FAT2: variants seen among roughly 807,000 people sequenced by gnomAD.
FAT2 encodes the protein protocadherin Fat 2.
Under a neutral mutation model 295.3 loss-of-function variants are expected in FAT2, and 150 were observed. The observed-to-expected ratio is 0.51, with a 90% CI of 0.44 to 0.58. FAT2 has a LOEUF of 0.58. Among genes scored for constraint, FAT2 ranks in the 20% least tolerant of loss-of-function variants. The pLI, the probability that FAT2 is intolerant of heterozygous loss-of-function variation, is 0.00. For synonymous variants in FAT2, 2,026 were observed against 2,150.3 expected (o/e 0.94, Z 1.60); for missense variants, 4,868 against 5,442.7 (o/e 0.89, Z 3.32).
chr5:151,519,253 A>C (rs1440153749), intron 19 of FAT2, among the ~76,000 whole-genome samples: 1 of 152,250 alleles, frequency 6.6e-6, no homozygotes, highest in Non-Finnish European at 1.5e-5. Context: ...CTGAGGCAGC[A>C]GACTTGCTTG....
At chr5:151,564,937 G>A (rs774537456) in intron 2 of FAT2, among the ~76,000 whole-genome samples, 3 of 152,136 alleles carry the variant, frequency 2.0e-5, no homozygotes, top group East Asian at 3.8e-4. Flanking sequence ...GCCGGGCATG[G>A]TGGTGGGTGC....
intron 1 of FAT2, among the ~76,000 whole-genome samples, chr5:151,585,948 C>T (rs1413658477): frequency 1.3e-5 from 2 of 152,196 alleles, no homozygotes; most frequent in East Asian, 3.8e-4. Context: ...AAGGTGGAAT[C>T]ATGTGTTAAG....
chr5:151,562,477 A>G (rs913027501), intron 3 of FAT2, among the ~76,000 whole-genome samples: 22 of 152,110 alleles, frequency 1.4e-4, no homozygotes, highest in Non-Finnish European at 4.4e-5. Context: ...GGTGGTGTCA[A>G]TGAGGGACGC....
intron 1 of FAT2, among the ~76,000 whole-genome samples, chr5:151,569,380 C>T (rs1191324252): frequency 6.6e-6 from 1 of 152,176 alleles, no homozygotes; most frequent in African/African-American, 2.4e-5. Context: ...ACCATCAGAT[C>T]TCATGAGACT....
In FAT2 at chr5:151,507,307, C is replaced by T. The variant is rs751925193; in HGVS notation, c.12364G>A (p.Ala4122Thr). The stretch of plus-strand genomic sequence containing the variant: ...GTGACGAGTTCATTTGGAACAGAGG[C>T]CTTGCTGGGTTCCGGTTGGTTGAGG... The part of the protein sequence containing the change: ...NNLNQPEPSK[A>T]SVPNELVTFG... The change falls in exon 23 of 24, where the codon GCC becomes ACC. Residue 4122 changes from alanine (A) to threonine (T), a missense_variant. Physicochemically the swap from Ala to Thr is moderately conservative, Grantham distance 58. Around this residue, in one of 5 missense-constraint regions of FAT2, gnomAD observed 492 missense variants for 482.6 expected, o/e 1.02. Coordinates refer to ENST00000261800, the MANE Select transcript of FAT2 (RefSeq NM_001447.3). 4.0e-5 allele frequency: 65 copies of T among 1,614,060 alleles called. No individual in the cohort carries two copies. Among genetic ancestry groups the T allele is most frequent in the Non-Finnish European group, 5.3e-5 (63 of 1,180,046 alleles).
chr5:151,567,004 G>T lies in FAT2; in HGVS notation c.1928C>A (p.Ser643Ter). The T allele has an allele frequency of 6.2e-7, 1 of 1,614,136 alleles. No individual in the cohort carries two copies. The highest frequency in any genetic ancestry group is 8.5e-7 in the Non-Finnish European group (1 of 1,180,014). ...GGGTGAGGCATAGTTTTTGCCATCT[G>T]AGGCTGTAATCTTCAGGGAATAACT... ...PTSYSLKITA[S>*]DGKNYASPTT... is the part of the protein sequence containing the mutation. Residue 643 changes from serine to a stop codon, truncating the protein, a stop_gained, in exon 2 of 24, where the codon TCA (serine) becomes TAA (stop). Coordinates refer to ENST00000261800, the MANE Select transcript of FAT2 (RefSeq NM_001447.3). LOFTEE classifies it high-confidence loss of function.
chr5:151,567,402 G>A lies in FAT2; in HGVS notation c.1530C>T (p.Tyr510=), dbSNP rs2127647834. The change falls in exon 2 of 24, where the codon TAC becomes TAT. Residue 510 remains tyrosine, a synonymous_variant. Transcript: ENST00000261800. ...PKALPFSIDP[Y]LGIISTSKPM... ...GTTTGGAGGTGGAGATGATCCCCAG[G>A]TAGGGGTCAATAGAAAATGGCAAAG... 2 of 1,614,164 alleles carry A rather than the reference G, an allele frequency of 1.2e-6. No homozygotes were observed. The highest frequency in any genetic ancestry group is 1.7e-6 in the Non-Finnish European group (2 of 1,180,002).
Position 151,565,914 on chromosome 5 carries a change from C to G in FAT2, c.3018G>C (p.Arg1006Ser), listed in dbSNP as rs764080414. The change falls in exon 2 of 24, where the codon AGG becomes AGC. Residue 1006 changes from arginine (R) to serine (S), a missense_variant. Arg to Ser is a moderately radical substitution (Grantham distance 110). Transcript: ENST00000261800. Reference protein sequence around the residue: ...NLSLWASDGGRPLARRTLCHV... With the variant: ...NLSLWASDGGSPLARRTLCHV... The stretch of plus-strand genomic sequence containing the variant: ...GGCAGAGAGTCCTGCGGGCTAGGGG[C>G]CTCCCACCATCACTGGCCCACAGGC... 1 of 1,613,958 alleles carries G rather than the reference C, an allele frequency of 6.2e-7. No homozygotes were observed. Among genetic ancestry groups the G allele is most frequent in the Non-Finnish European group, 8.5e-7 (1 of 1,180,012 alleles).
At chr5:151,571,536 A>AGGGGAG (rs1462777453) in intron 1 of FAT2, among the ~76,000 whole-genome samples, 2 of 152,202 alleles carry the variant, frequency 1.3e-5, no homozygotes, top group African/African-American at 4.8e-5. Flanking sequence ...GGGAAGGGGA[A>AGGGGAG]GGGGAGGGAT....
At position 151,532,388 on chromosome 5, in the gene FAT2, A is replaced by AAC. The variant is rs3056512; in HGVS notation, c.9428-420_9428-419dup. On this transcript the variant is annotated intron_variant, in intron 13 of 23. Coordinates refer to ENST00000261800, the MANE Select transcript of FAT2 (RefSeq NM_001447.3). ...GCATAGAACTAAGTGTGCGTGTACAAACACACACACACACACACACACACA... is the reference window on the plus strand; with the variant it reads ...GCATAGAACTAAGTGTGCGTGTACAAACACACACACACACACACACACACACA... Among the ~76,000 whole-genome samples the AAC allele has an allele frequency of 2.5e-3, 379 of 150,488 alleles. 3 individuals carry two copies. Among genetic ancestry groups the AAC allele is most frequent in the East Asian group, 0.017 (85 of 5,092 alleles).
intron 1 of FAT2, among the ~76,000 whole-genome samples, chr5:151,583,565 G>C (rs907752063): frequency 6.6e-6 from 1 of 152,074 alleles, no homozygotes; most frequent in Non-Finnish European, 1.5e-5. Context: ...GACTGAAAAG[G>C]GTACAAAGAG....
At chr5:151,575,771 T>G (rs11750312) in intron 1 of FAT2, among the ~76,000 whole-genome samples, 1 of 151,886 alleles carries the variant, frequency 6.6e-6, no homozygotes, top group Admixed American at 6.5e-5. Flanking sequence ...GTAGCTGGAG[T>G]TCACTCTAGA....
In FAT2 at chr5:151,566,283, G is replaced by A. The variant is rs373152684; in HGVS notation, c.2649C>T (p.Arg883=). ...GELVVTGHLD[R]ESEPRYILKV... is the part of the protein sequence containing the mutation. The stretch of plus-strand genomic sequence containing the variant: ...TGAGTATGTACCGAGGCTCTGATTC[G>A]CGGTCCAGGTGTCCTGTAACAACCA... The change falls in exon 2 of 24, where the codon CGC becomes CGT. Residue 883 remains arginine (R), a synonymous_variant. Transcript: ENST00000261800. The A allele has an allele frequency of 6.8e-5, 110 of 1,613,958 alleles. No homozygotes were observed. The East Asian group carries it at 1.4e-3, about 21-fold the overall frequency.
Position 151,543,829 on chromosome 5 carries a change from G to T in FAT2, c.7298C>A (p.Ser2433Ter). Residue 2433 changes from serine (S) to a stop codon, truncating the protein, a stop_gained, in exon 10 of 24, where the codon TCG (serine) becomes TAG (stop). Transcript: ENST00000261800. LOFTEE classifies it high-confidence loss of function. ...AAGGTTGAACATAGAAATTATTCCC[G>T]ATGAGCTGTTAATGAAGAAGTGCCT... ...QDRHFFINSS[S>*]GIISMFNLCK... The T allele has an allele frequency of 6.2e-7, 1 of 1,614,010 alleles. No individual in the cohort carries two copies. The highest frequency in any genetic ancestry group is 8.5e-7 in the Non-Finnish European group (1 of 1,179,986).
intron 1 of FAT2, among the ~76,000 whole-genome samples, chr5:151,584,972 T>A (rs1248433545): frequency 1.3e-5 from 2 of 152,226 alleles, no homozygotes; most frequent in Admixed American, 6.5e-5. Context: ...TAATTTGTAT[T>A]TTTTAAAAAA....
At chr5:151,510,477 T>C in intron 21 of FAT2, 1 of 237,078 alleles carries the variant, frequency 4.2e-6, no homozygotes, top group Non-Finnish European at 8.5e-6. Context: ...TCTTCCTGTG[T>C]TGGCTCATTT....
chr5:151,570,819 G>C (rs1310579564), intron 1 of FAT2, among the ~76,000 whole-genome samples: 1 of 152,208 alleles, frequency 6.6e-6, no homozygotes, highest in Admixed American at 6.5e-5. Flanking sequence ...GGGAAGGAGA[G>C]GCTTGGAGCC....
intron 6 of FAT2, among the ~76,000 whole-genome samples, 177 bp from the exon 7 acceptor site, chr5:151,551,783 C>T (rs1207274151): frequency 6.6e-6 from 1 of 152,142 alleles, no homozygotes; most frequent in Non-Finnish European, 1.5e-5. Context: ...TTTATTCTGT[C>T]AAGTTGTTGT....
chr5:151,572,682 G>A (rs1483630001), intron 1 of FAT2, among the ~76,000 whole-genome samples: 1 of 152,230 alleles, frequency 6.6e-6, no homozygotes, highest in African/African-American at 2.4e-5. Flanking sequence ...ACAGTGCCTG[G>A]TATGTAGACA....
Sources: allele counts gnomAD v4.1 joint callset (sites outside exome capture counted in the v4.1 genomes callset), GRCh38; gene constraint gnomAD v4.1.1; regional missense constraint gnomAD v4.1.1; transcripts MANE v1.5; gene names NCBI Gene and HGNC (gene_info 2026-07-23, HGNC 2026-07-21).